Variants in NLN observed in about 807,000 individuals in gnomAD.
NLN encodes neurolysin, mitochondrial.
Under a neutral mutation model 79.9 loss-of-function variants are expected in NLN, and 64 were observed. The observed-to-expected ratio is 0.80, with a 90% CI of 0.65 to 0.99. The LOEUF is 0.99. NLN is among the 50% of genes least tolerant of loss of function. The pLI, the probability that NLN is intolerant of heterozygous loss-of-function variation, is 0.00. For missense variants in NLN, 835 were observed against 858.7 expected, an observed-to-expected ratio of 0.97 and a Z score of 0.34; for synonymous variants, 267 against 296.6, an observed-to-expected ratio of 0.90 and a Z score of 1.02.
intron 4 of NLN, among the ~76,000 whole-genome samples, chr5:65,779,233 C>T (rs1425284889): frequency 1.3e-5 from 2 of 152,124 alleles, no homozygotes; most frequent in Non-Finnish European, 2.9e-5. Flanking sequence ...GTGGGGGTCC[C>T]AAGAATTTGC....
At chr5:65,747,441 G>A (rs1252478928) in intron 1 of NLN, among the ~76,000 whole-genome samples, 1 of 152,148 alleles carries the variant, frequency 6.6e-6, no homozygotes, top group African/African-American at 2.4e-5. Context: ...TGGTTAAAAT[G>A]GTCCTGAGCA....
At chr5:65,802,436 G>T (rs375302124) in intron 9 of NLN, among the ~76,000 whole-genome samples, 2 of 152,214 alleles carry the variant, frequency 1.3e-5, no homozygotes, top group Non-Finnish European at 2.9e-5. Context: ...GCTTAGAGAC[G>T]CTGGGAACCA....
At chr5:65,820,199 T>C (rs1001377191) in intron 12 of NLN, among the ~76,000 whole-genome samples, 2 of 152,246 alleles carry the variant, frequency 1.3e-5, no homozygotes, top group African/African-American at 2.4e-5. Context: ...TTTTTAAAAC[T>C]TTCATTTCAA....
chr5:65,760,777 G>GC (rs1311157384), intron 2 of NLN, among the ~76,000 whole-genome samples: 1 of 152,088 alleles, frequency 6.6e-6, no homozygotes, highest in Non-Finnish European at 1.5e-5. Context: ...TTCTGTCTTG[G>GC]CCTCCCAAAG....
rs775123357 is a variant in NLN, at chr5:65,781,313, G to A, written c.714G>A (p.Lys238=). ...IDSLEKTDDD[K]YKITLKYPHY... ...GTTTAGAAAAGACAGATGATGACAA[G>A]TATAAAATTACCTTAAAATATCCAC... The change falls in exon 6 of 13, where the codon AAG becomes AAA. Residue 238 remains lysine (K), a synonymous_variant. Coordinates refer to ENST00000380985, the MANE Select transcript of NLN (RefSeq NM_020726.5). 5.6e-6 allele frequency: 9 copies of A among 1,606,266 alleles called. No individual in the cohort carries two copies. The South Asian group carries it at 8.8e-5, about 16-fold the overall frequency.
intron 9 of NLN, among the ~76,000 whole-genome samples, chr5:65,802,973 T>C (rs937566043): frequency 6.6e-6 from 1 of 152,122 alleles, no homozygotes; most frequent in African/African-American, 2.4e-5. Flanking sequence ...ATCGTCCCGA[T>C]GTCTGCTCAG....
At chr5:65,797,538 A>G (rs900911152) in intron 9 of NLN, among the ~76,000 whole-genome samples, 1 of 152,206 alleles carries the variant, frequency 6.6e-6, no homozygotes, top group Non-Finnish European at 1.5e-5. Flanking sequence ...ACCTGGCTGT[A>G]TGACTTGGGG....
chr5:65,813,357 A>G (rs1422333342), intron 12 of NLN, among the ~76,000 whole-genome samples: 10 of 151,814 alleles, frequency 6.6e-5, no homozygotes, highest in Non-Finnish European at 1.3e-4. Context: ...ACTGCTGACT[A>G]TTGTTCTCAC....
intron 1 of NLN, among the ~76,000 whole-genome samples, chr5:65,749,074 T>C (rs1310281256): frequency 2.6e-5 from 4 of 152,220 alleles, no homozygotes; most frequent in Non-Finnish European, 5.9e-5. Context: ...CCATGTAAGA[T>C]GTGACTTTGC....
intron 3 of NLN, among the ~76,000 whole-genome samples, chr5:65,767,995 C>G (rs1043913099): frequency 1.3e-5 from 2 of 152,144 alleles, no homozygotes; most frequent in South Asian, 2.1e-4. Context: ...CTTCATTGTC[C>G]ATATCATTAT....
intron 9 of NLN, among the ~76,000 whole-genome samples, chr5:65,808,139 G>A (rs1332076611): frequency 6.6e-6 from 1 of 152,058 alleles, no homozygotes; most frequent in African/African-American, 2.4e-5. Context: ...AGTTATCCTT[G>A]CCCCTTTAAT....
intron 1 of NLN, among the ~76,000 whole-genome samples, chr5:65,753,647 C>T (rs531560986): frequency 6.8e-6 from 1 of 146,082 alleles, no homozygotes; most frequent in Non-Finnish European, 1.5e-5. Flanking sequence ...GAGACTCTAT[C>T]TCCAAAAAAA....
At chr5:65,769,260 A>G (rs1411888512) in intron 3 of NLN, among the ~76,000 whole-genome samples, 23 of 152,196 alleles carry the variant, frequency 1.5e-4, no homozygotes, top group Admixed American at 1.5e-3. Flanking sequence ...CAAAACCTTC[A>G]AAATAGGGGA....
In NLN at chr5:65,809,528, G is replaced by A. The variant is rs940966318; in HGVS notation, c.1541G>A (p.Arg514Gln). The A allele has an allele frequency of 3.1e-6, 5 of 1,596,412 alleles. No homozygotes were observed. The highest frequency in any genetic ancestry group is 1.1e-5 in the South Asian group (1 of 87,368). The change falls in exon 10 of 13, where the codon CGA (arginine) becomes CAA (glutamine). Residue 514 changes from arginine to glutamine, a missense_variant. Physicochemically the swap from Arg to Gln is conservative, Grantham distance 43. Coordinates refer to ENST00000380985, the MANE Select transcript of NLN (RefSeq NM_020726.5). ...TTTGCTTTCTAGACTGATTTTGCAC[G>A]ATTTAGCGGAACAAATGTGGAAACT... ...HQICAQTDFA[R>Q]FSGTNVETDF...
At chr5:65,760,498 A>G (rs909264051) in intron 2 of NLN, among the ~76,000 whole-genome samples, 2 of 152,238 alleles carry the variant, frequency 1.3e-5, no homozygotes, top group African/African-American at 4.8e-5. Flanking sequence ...ACTTGTGGCC[A>G]AGATGGTATA....
chr5:65,764,345 G>A (rs1759405508), intron 3 of NLN, among the ~76,000 whole-genome samples: 1 of 152,134 alleles, frequency 6.6e-6, no homozygotes, highest in Non-Finnish European at 1.5e-5. Flanking sequence ...TGGCCAACAT[G>A]GTGAAACTCC....
intron 9 of NLN, among the ~76,000 whole-genome samples, chr5:65,803,058 G>A (rs1470479884): frequency 6.6e-6 from 1 of 152,190 alleles, no homozygotes; most frequent in African/African-American, 2.4e-5. Context: ...GCTCAAGTCT[G>A]GCTGAGTCCA....
chr5:65,809,463 A>C, intron 9 of NLN, 52 bp from the exon 10 acceptor site: 2 of 1,438,936 alleles, frequency 1.4e-6, no homozygotes, highest in Non-Finnish European at 1.9e-6. Context: ...TATTCATTGC[A>C]TATGTACTTT....
intron 1 of NLN, among the ~76,000 whole-genome samples, chr5:65,726,401 T>C (rs1470183627): frequency 6.6e-6 from 1 of 152,268 alleles, no homozygotes; most frequent in Admixed American, 6.5e-5. Context: ...TAGTATAGTT[T>C]GGTGTCATTG....
Sources: gnomAD v4.1 joint callset for allele counts (sites outside exome capture counted in the v4.1 genomes callset) on GRCh38, gnomAD v4.1.1 for gene constraint, MANE v1.5 for transcripts, NCBI Gene and HGNC (gene_info 2026-07-23, HGNC 2026-07-21) for gene names.